Variants in AP1M1 observed in about 807,000 individuals in gnomAD.
The protein encoded by AP1M1 is adaptor related protein complex 1 subunit mu 1.
AP1M1 carries 18 observed loss-of-function variants against 57.1 expected under a neutral mutation model. The observed-to-expected ratio is 0.32, with a 90% CI of 0.22 to 0.47. The LOEUF is 0.47. Ranked by LOEUF, AP1M1 falls within the 20% of genes least tolerant of loss-of-function variation. The probability of loss-of-function intolerance (pLI) is 1.00; values close to 1 mark genes in which losing one functional copy is unlikely to be tolerated. For synonymous variants in AP1M1, 241 were observed against 237.9 expected, an observed-to-expected ratio of 1.01 and a Z score of -0.12; for missense variants, 362 against 593.5, an observed-to-expected ratio of 0.61 and a Z score of 4.05.
At position 16,215,463 on chromosome 19, in the gene AP1M1, C is replaced by CAAAAAA. The variant is rs59357311; in HGVS notation, c.546+6310_546+6315dup. 2.5e-3 allele frequency among the ~76,000 whole-genome samples: 77 copies of CAAAAAA among 30,994 alleles called. 2 individuals carry two copies. The highest frequency in any genetic ancestry group is 5.8e-3 in the African/African-American group (69 of 11,834). The allele number at this position is 30,994 out of a possible 152,430, so 20.3% of individuals were successfully genotyped here. Reference sequence around the variant, plus strand: ...TGGGCCACAGAATGAGATTCCATCTCAAAAAAAAAAAAAAAAAAAAAAAAA... The same window carrying CAAAAAA: ...TGGGCCACAGAATGAGATTCCATCTCAAAAAAAAAAAAAAAAAAAAAAAAAAAAAAA... On this transcript the variant is annotated intron_variant, in intron 5 of 11. Transcript: ENST00000291439.
rs975730784 is a variant in AP1M1, at chr19:16,244,060, C to CA, written c.*9630dup. 1 of 152,148 alleles carries CA rather than the reference C, an allele frequency of 6.6e-6. No individual in the cohort carries two copies. The highest frequency in any genetic ancestry group is 1.5e-5 in the Non-Finnish European group (1 of 68,018). 9.4% of individuals were successfully genotyped at this position (152,148 alleles called of 1,614,324 possible). ...CTTTTGTGTATATGTTACACTTCAG[C>CA]AAAAACATTCACAAAGGGGAAAAAG... On this transcript the variant is annotated 3_prime_UTR_variant, in exon 12 of 12. Transcript: ENST00000291439.
chr19:16,233,169 T>C lies in AP1M1; in HGVS notation c.1048-324T>C, dbSNP rs181859289. On this transcript the variant is annotated intron_variant, in intron 9 of 11. Coordinates refer to ENST00000291439, the MANE Select transcript of AP1M1 (RefSeq NM_032493.4). ...CTAGTTCACCAGCCTTGGAGGAAAG[T>C]GCATTAGGGGAGCTGGGCGGGGGGT... 9.3e-4 allele frequency among the ~76,000 whole-genome samples: 141 copies of C among 152,296 alleles called. 1 individual carries two copies. In the East Asian group the frequency reaches 0.026, roughly 28 times the overall value.
At position 16,203,397 on chromosome 19, in the gene AP1M1, C is replaced by T; in HGVS notation, c.43-62C>T. 2 of 1,591,552 alleles carry T rather than the reference C, an allele frequency of 1.3e-6. No individual in the cohort carries two copies. Among genetic ancestry groups the T allele is most frequent in the African/African-American group, 2.7e-5 (2 of 74,520 alleles). ...AGGGTGGTGCATCTCACCCCCTGCC[C>T]CAAGCCCCCAGATTGTAGAACTGAA... On this transcript the variant is annotated intron_variant, in intron 1 of 11. Transcript: ENST00000291439. The surrounding 1 kb of genome is among the most constrained non-coding windows in gnomAD (Gnocchi z 4.6).
rs1005825983 is a variant in AP1M1 at position 16,206,705 on chromosome 19, A to T, written c.267+297A>T. Reference sequence around the variant, plus strand: ...GCAGGGGTCAGCGAGCTTTGGAAGGATGTGGGGTGACCAGCTGGATGGGGC... The same window carrying T: ...GCAGGGGTCAGCGAGCTTTGGAAGGTTGTGGGGTGACCAGCTGGATGGGGC... On this transcript the variant is annotated intron_variant, in intron 3 of 11. Coordinates refer to ENST00000291439, the MANE Select transcript of AP1M1 (RefSeq NM_032493.4). This position sits in a 1 kb window ranked among gnomAD's most constrained non-coding sequence, Gnocchi z 4.3. 4.6e-5 allele frequency among the ~76,000 whole-genome samples: 7 copies of T among 152,088 alleles called. No individual in the cohort carries two copies. The highest frequency in any genetic ancestry group is 1.3e-4 in the Admixed American group (2 of 15,278).
chr19:16,231,375 T>A (rs1451921855), intron 9 of AP1M1, among the ~76,000 whole-genome samples: 1 of 151,088 alleles, frequency 6.6e-6, no homozygotes, highest in African/African-American at 2.4e-5. Context: ...TTTCTTAGAT[T>A]GCTCCATACT....
intron 4 of AP1M1, 59 bp downstream of exon 4, chr19:16,208,208 C>G: frequency 2.0e-6 from 3 of 1,533,960 alleles, no homozygotes; most frequent in Non-Finnish European, 2.6e-6. Context: ...ACATCGACGT[C>G]ATCAGGTGTG....
At chr19:16,221,947 A>G (rs545161829) in intron 5 of AP1M1, among the ~76,000 whole-genome samples, 15 of 152,142 alleles carry the variant, frequency 9.9e-5, no homozygotes, top group Middle Eastern at 3.4e-3. Flanking sequence ...CAGCCTCCCA[A>G]AGTGCTGGGA....
chr19:16,222,208 A>T (rs78000257), intron 5 of AP1M1, among the ~76,000 whole-genome samples: 5,442 of 68,514 alleles, frequency 0.079, 175 homozygotes, highest in African/African-American at 0.1. Flanking sequence ...TATTATTATT[A>T]TTATTTTTTT....
intron 5 of AP1M1, among the ~76,000 whole-genome samples, chr19:16,217,362 G>A (rs2091523335): frequency 6.6e-6 from 1 of 152,166 alleles, no homozygotes. Flanking sequence ...TGCACACACA[G>A]GCATGCTGTT....
At chr19:16,215,607 C>G in intron 5 of AP1M1, among the ~76,000 whole-genome samples, 1 of 151,114 alleles carries the variant, frequency 6.6e-6, no homozygotes, top group East Asian at 2.0e-4. Flanking sequence ...TCTCTAGCTT[C>G]TTTCATTTTG....
intron 5 of AP1M1, 112 bp downstream of exon 5, chr19:16,209,289 ATAGC>A: frequency 1.6e-6 from 2 of 1,243,302 alleles, no homozygotes; most frequent in Non-Finnish European, 2.2e-6. Context: ...GTGGTAACAG[ATAGC>A]AGGATTCAGT....
rs1428720568 is a variant in AP1M1, at chr19:16,203,756, G to C, written c.199+141G>C. The stretch of plus-strand genomic sequence containing the variant: ...CCATGCCCTCCTGGAGCTCCCTGCT[G>C]CCTGCGGAGACAGGCAGACAATGCA... On this transcript the variant is annotated intron_variant, in intron 2 of 11. Coordinates refer to ENST00000291439, the MANE Select transcript of AP1M1 (RefSeq NM_032493.4). This position sits in a 1 kb window ranked among gnomAD's most constrained non-coding sequence, Gnocchi z 4.6. 2 of 860,252 alleles carry C rather than the reference G, an allele frequency of 2.3e-6. No homozygotes were observed. The highest frequency in any genetic ancestry group is 3.4e-5 in the African/African-American group (2 of 58,320). The allele number at this position is 860,252 out of a possible 1,614,324, so 53.3% of individuals were successfully genotyped here.
At chr19:16,217,096 C>T (rs1177237512) in intron 5 of AP1M1, among the ~76,000 whole-genome samples, 8 of 152,156 alleles carry the variant, frequency 5.3e-5, no homozygotes, top group Admixed American at 5.2e-4. Context: ...ATGGGGTTAG[C>T]ATGGGGGCAC....
At chr19:16,233,408 C>T in intron 9 of AP1M1, 85 bp from the exon 10 acceptor site, 1 of 1,446,838 alleles carries the variant, frequency 6.9e-7, no homozygotes. Context: ...AGTGGTCAGT[C>T]TCTGCCCATC....
chr19:16,228,194 G>C lies in AP1M1; in HGVS notation c.874G>C (p.Glu292Gln). 6.2e-7 allele frequency: 1 copy of C among 1,613,738 alleles called. No individual in the cohort carries two copies. The highest frequency in any genetic ancestry group is 1.1e-5 in the South Asian group (1 of 91,082). ...VIEKHSHSRI[E>Q]YMIKAKSQFK... ...CGAGAAGCACTCCCACAGCCGCATC[G>C]AGTACATGATCAAGGTGCGTGGGCC... The change falls in exon 8 of 12, where the codon GAG becomes CAG. Residue 292 changes from glutamate (E) to glutamine (Q), a missense_variant. Glu to Gln is a conservative substitution (Grantham distance 29). Coordinates refer to ENST00000291439, the MANE Select transcript of AP1M1 (RefSeq NM_032493.4). The surrounding 1 kb of genome is among the most constrained non-coding windows in gnomAD (Gnocchi z 5.0).
intron 5 of AP1M1, among the ~76,000 whole-genome samples, chr19:16,225,888 A>T (rs2091568976): frequency 6.6e-6 from 1 of 152,090 alleles, no homozygotes; most frequent in Non-Finnish European, 1.5e-5. Flanking sequence ...GCTTTCAAGA[A>T]AAGCAAGTCT....
Position 16,227,511 on chromosome 19 carries a change from G to A in AP1M1, c.674-37G>A. On this transcript the variant is annotated intron_variant, in intron 6 of 11. Transcript: ENST00000291439. The surrounding 1 kb of genome is among the most constrained non-coding windows in gnomAD (Gnocchi z 6.2). ...AGTACTGCTGAGATAGTGACCCGGAGGGCCCAGATCTGTCCTACCCTCACC... is the reference window on the plus strand; with the variant it reads ...AGTACTGCTGAGATAGTGACCCGGAAGGCCCAGATCTGTCCTACCCTCACC... The A allele has an allele frequency of 6.3e-7, 1 of 1,596,824 alleles. No individual in the cohort carries two copies.
At chr19:16,217,666 G>A (rs910707410) in intron 5 of AP1M1, among the ~76,000 whole-genome samples, 4 of 152,114 alleles carry the variant, frequency 2.6e-5, no homozygotes, top group South Asian at 2.1e-4. Flanking sequence ...GGGTTGCTCA[G>A]GTCAGACCAG....
Position 16,209,073 on chromosome 19 carries a change from C to T in AP1M1, c.442C>T (p.Arg148Trp), listed in dbSNP as rs2091482045. The T allele has an allele frequency of 6.2e-7, 1 of 1,614,188 alleles. No homozygotes were observed. Among genetic ancestry groups the T allele is most frequent in the Non-Finnish European group, 8.5e-7 (1 of 1,180,028 alleles). Residue 148 changes from arginine to tryptophan, a missense_variant, in exon 5 of 12, where the codon CGG (arginine) becomes TGG (tryptophan). By Grantham distance (101) the Arg-to-Trp change is moderately radical (BLOSUM62 -3). Coordinates refer to ENST00000291439, the MANE Select transcript of AP1M1 (RefSeq NM_032493.4). Reference sequence around the variant, plus strand: ...CCACAAGCTGGAAACAGGGGCCCCGCGGCCACCAGCCACCGTCACCAACGC... The same window carrying T: ...CCACAAGCTGGAAACAGGGGCCCCGTGGCCACCAGCCACCGTCACCAACGC... ...EGHKLETGAP[R>W]PPATVTNAVS...
Sources: allele counts gnomAD v4.1 joint callset (sites outside exome capture counted in the v4.1 genomes callset), GRCh38; gene constraint gnomAD v4.1.1; non-coding constraint Gnocchi (gnomAD v3.1); transcripts MANE v1.5; gene names NCBI Gene and HGNC (gene_info 2026-07-23, HGNC 2026-07-21).